KCNAB1: variants seen among roughly 807,000 people sequenced by gnomAD.
KCNAB1 encodes the protein voltage-gated potassium channel subunit beta-1.
KCNAB1 carries 35 observed loss-of-function variants against 64.6 expected under a neutral mutation model. The ratio of observed to expected loss-of-function variants is 0.54; its 90% CI spans 0.41 to 0.72. The LOEUF is 0.72. KCNAB1 is among the 30% of genes least tolerant of loss of function. The pLI is 0.00. For synonymous variants in KCNAB1, 177 were observed against 183.8 expected, an observed-to-expected ratio of 0.96 and a Z score of 0.30; for missense variants, 401 against 512.9, an observed-to-expected ratio of 0.78 and a Z score of 2.11.
At chr3:156,223,860 C>T (rs973143709) in intron 1 of KCNAB1, among the ~76,000 whole-genome samples, 1 of 152,222 alleles carries the variant, frequency 6.6e-6, no homozygotes, top group South Asian at 2.1e-4. Flanking sequence ...CCAGTGTATC[C>T]CGCACTGGGG....
chr3:156,240,538 T>G (rs1717103197), intron 1 of KCNAB1, among the ~76,000 whole-genome samples: 1 of 152,186 alleles, frequency 6.6e-6, no homozygotes, highest in Admixed American at 6.5e-5. Context: ...TTTTATGCTT[T>G]CAAATAATAT....
intron 1 of KCNAB1, among the ~76,000 whole-genome samples, chr3:156,247,720 GC>G (rs1418292440): frequency 6.6e-6 from 1 of 152,002 alleles, no homozygotes; most frequent in Non-Finnish European, 1.5e-5. Context: ...GAACCACCAT[GC>G]CCCACTAATT....
chr3:156,357,695 C>T (rs1725349852), intron 1 of KCNAB1, among the ~76,000 whole-genome samples: 2 of 151,648 alleles, frequency 1.3e-5, no homozygotes, highest in Non-Finnish European at 2.9e-5. Context: ...TTTATTTACC[C>T]ACTGTATCCA....
chr3:156,474,676 A>G, intron 7 of KCNAB1, 58 bp from the exon 8 acceptor site: 1 of 1,253,244 alleles, frequency 8.0e-7, no homozygotes, highest in Middle Eastern at 1.9e-4. Flanking sequence ...ACCAAACTTC[A>G]ACTCTGAATA....
chr3:156,305,980 A>T (rs1721466428), intron 1 of KCNAB1, among the ~76,000 whole-genome samples: 4 of 152,182 alleles, frequency 2.6e-5, no homozygotes, highest in Admixed American at 2.6e-4. Context: ...TGAACTTATC[A>T]CTTGATCCTT....
chr3:156,399,823 A>C (rs1713753598), intron 1 of KCNAB1, among the ~76,000 whole-genome samples: 1 of 152,246 alleles, frequency 6.6e-6, no homozygotes, highest in Admixed American at 6.5e-5. Flanking sequence ...AAATCATTCC[A>C]TTGTAAAATA....
intron 1 of KCNAB1, among the ~76,000 whole-genome samples, chr3:156,274,219 A>C (rs930560953): frequency 5.9e-5 from 9 of 152,234 alleles, no homozygotes; most frequent in Admixed American, 2.0e-4. Flanking sequence ...CAATTACAAC[A>C]ACCACAAAAC....
chr3:156,531,362 C>T (rs9681788), intron 12 of KCNAB1, 47 bp from the exon 13 acceptor site: 22,884 of 1,365,694 alleles, frequency 0.017, 1,481 homozygotes, highest in African/African-American at 0.16. Flanking sequence ...AGCTAATCAA[C>T]GATTGGAAGT....
At chr3:156,412,104 A>G (rs896925690) in intron 1 of KCNAB1, among the ~76,000 whole-genome samples, 2 of 152,272 alleles carry the variant, frequency 1.3e-5, no homozygotes, top group African/African-American at 2.4e-5. Context: ...ATATTTTAAT[A>G]AATTTATAAA....
In KCNAB1 at chr3:156,173,739, G is replaced by A. The variant is rs146618128; in HGVS notation, c.275+52853G>A. ...TGACAGGGCCACAGGGTGCCCAGATGTTTGTTTCAATGTTATTTCTGGGTG... is the reference window on the plus strand; with the variant it reads ...TGACAGGGCCACAGGGTGCCCAGATATTTGTTTCAATGTTATTTCTGGGTG... On this transcript the variant is annotated intron_variant, in intron 1 of 13. Coordinates refer to ENST00000490337, the MANE Select transcript of KCNAB1 (RefSeq NM_172160.3). Among the ~76,000 whole-genome samples the A allele has an allele frequency of 3.5e-3, 540 of 152,332 alleles. 2 individuals carry two copies. The highest frequency in any genetic ancestry group is 0.012 in the African/African-American group (509 of 41,586).
At chr3:156,232,573 A>G (rs1434239001) in intron 1 of KCNAB1, among the ~76,000 whole-genome samples, 3 of 152,254 alleles carry the variant, frequency 2.0e-5, no homozygotes, top group Admixed American at 6.5e-5. Flanking sequence ...ACTACTGATC[A>G]ATGCACAGAA....
At chr3:156,473,885 A>G (rs542213595) in intron 7 of KCNAB1, among the ~76,000 whole-genome samples, 1 of 152,174 alleles carries the variant, frequency 6.6e-6, no homozygotes, top group South Asian at 2.1e-4. Context: ...ATTCTCGAAC[A>G]CTGTCATCCT....
chr3:156,450,489 A>G (rs570053815), intron 2 of KCNAB1, among the ~76,000 whole-genome samples: 2 of 152,308 alleles, frequency 1.3e-5, no homozygotes, highest in Admixed American at 6.5e-5. Flanking sequence ...ACTTGTCCTG[A>G]AAGTTCTCAA....
rs766146737 is a variant in KCNAB1 at position 156,454,268 on chromosome 3, T to G, written c.357+1332T>G. On this transcript the variant is annotated intron_variant, in intron 3 of 13. Transcript: ENST00000490337. ...AAGCAGCACTGGGCAGACAGAGAAC[T>G]TGGGTCATGATGCAGCCTCAACAAT... Among the ~76,000 whole-genome samples the G allele has an allele frequency of 3.3e-5, 5 of 152,160 alleles. No homozygotes were observed. The East Asian group carries it at 7.7e-4, about 23-fold the overall frequency.
intron 1 of KCNAB1, among the ~76,000 whole-genome samples, chr3:156,317,645 G>A (rs1722369323): frequency 6.6e-6 from 1 of 152,060 alleles, no homozygotes; most frequent in Admixed American, 6.5e-5. Context: ...CGGAAGAGAA[G>A]AAACAAAGAG....
chr3:156,245,974 T>TAA (rs5853746), intron 1 of KCNAB1, among the ~76,000 whole-genome samples: 4 of 150,794 alleles, frequency 2.7e-5, no homozygotes, highest in Admixed American at 6.6e-5. Flanking sequence ...TCAATATTGG[T>TAA]AAAAAAAAAA....
At chr3:156,194,809 T>C (rs890206286) in intron 1 of KCNAB1, among the ~76,000 whole-genome samples, 1 of 152,164 alleles carries the variant, frequency 6.6e-6, no homozygotes, top group Non-Finnish European at 1.5e-5. Context: ...GGGATACGTG[T>C]GAAGAATGTG....
intron 2 of KCNAB1, among the ~76,000 whole-genome samples, chr3:156,427,691 G>A (rs1286854002): frequency 6.6e-6 from 1 of 152,172 alleles, no homozygotes; most frequent in Non-Finnish European, 1.5e-5. Context: ...AGACAGAATT[G>A]TGGGGTAGGG....
rs77567157 is a variant in KCNAB1 at position 156,192,848 on chromosome 3, A to G, written c.275+71962A>G. Among the ~76,000 whole-genome samples the G allele has an allele frequency of 6.9e-3, 1,046 of 152,106 alleles. 16 individuals are homozygous for G. The highest frequency in any genetic ancestry group is 0.024 in the African/African-American group (994 of 41,538). On this transcript the variant is annotated intron_variant, in intron 1 of 13. Transcript: ENST00000490337. Reference sequence around the variant, plus strand: ...GTATTATGATAGTAAATATTTTTCAATCCTTTTAGTTTTGATCTATTTGTG... The same window carrying G: ...GTATTATGATAGTAAATATTTTTCAGTCCTTTTAGTTTTGATCTATTTGTG...
Sources: gnomAD v4.1 joint callset for allele counts (sites outside exome capture counted in the v4.1 genomes callset) on GRCh38, gnomAD v4.1.1 for gene constraint, MANE v1.5 for transcripts, NCBI Gene and HGNC (gene_info 2026-07-23, HGNC 2026-07-21) for gene names.